Variants in ZC3H12B observed in about 807,000 individuals in gnomAD.
The protein encoded by ZC3H12B is probable ribonuclease ZC3H12B.
In ZC3H12B, 7 loss-of-function variants were observed where a neutral mutation model predicts 43.9. The ratio of observed to expected loss-of-function variants is 0.16; its 90% CI spans 0.09 to 0.30. The LOEUF is 0.30. Among genes scored for constraint, ZC3H12B ranks in the 10% least tolerant of loss-of-function variants. ZC3H12B has a pLI of 1.00. For missense variants in ZC3H12B, 475 were observed against 670.2 expected (o/e 0.71, Z 3.22); for synonymous variants, 222 against 241.7 (o/e 0.92, Z 0.76).
At chrX:65,468,650 A>ATTTTTTTTTT (rs60716703) in intron 3 of ZC3H12B, among the ~76,000 whole-genome samples, 108 of 74,768 alleles carry the variant, frequency 1.4e-3, no homozygotes, top group African/African-American at 5.4e-3. Context: ...TGCCCGGCTA[A>ATTTTTTTTTT]TTTTTTTTTT....
At chrX:65,274,934 A>G in the ZC3H12B span, among the ~76,000 whole-genome samples, 26 of 111,925 alleles carry the variant, frequency 2.3e-4, no homozygotes, top group African/African-American at 8.4e-4. Context: ...ACCTACATCC[A>G]AGACCTGAGA....
intron 2 of ZC3H12B, among the ~76,000 whole-genome samples, chrX:65,390,283 A>T (rs184436932): frequency 1.3e-3 from 150 of 111,124 alleles, no homozygotes; most frequent in Non-Finnish European, 2.5e-3. Flanking sequence ...GAGGGACAGC[A>T]TTAGGAGATA....
At chrX:65,390,407 A>T (rs184334758) in intron 2 of ZC3H12B, among the ~76,000 whole-genome samples, 167 of 106,973 alleles carry the variant, frequency 1.6e-3, no homozygotes, top group South Asian at 8.8e-3. Context: ...AGTATAATTT[A>T]AAAAAAAAGG....
chrX:65,491,449 A>G (rs972230842), intron 1 of ZC3H12B, among the ~76,000 whole-genome samples: 1 of 111,400 alleles, frequency 9.0e-6, no homozygotes, highest in Non-Finnish European at 1.9e-5. Flanking sequence ...GCTCACACCT[A>G]TAATCCCGAC....
chrX:65,506,717 T>C (rs1213551489), exon 5 of ZC3H12B: 2 of 112,117 alleles, frequency 1.8e-5, no homozygotes, highest in Non-Finnish European at 3.8e-5. Flanking sequence ...TGTGATTTTG[T>C]TGTTGTTTTC....
the ZC3H12B span, among the ~76,000 whole-genome samples, chrX:65,202,104 A>ATATGTAATATATATAATTTC: frequency 1.5e-5 from 1 of 68,693 alleles, no homozygotes; most frequent in African/African-American, 2.3e-4. Flanking sequence ...TATATATTTT[A>ATATGTAATATATATAATTTC]TATAATATAT....
intron 3 of ZC3H12B, among the ~76,000 whole-genome samples, chrX:65,467,040 G>A (rs2148187820): frequency 1.1e-5 from 1 of 94,339 alleles, no homozygotes; most frequent in East Asian, 3.5e-4. Flanking sequence ...TGAAATTTTA[G>A]TGCACCCATC....
At chrX:65,192,988 G>A in the ZC3H12B span, among the ~76,000 whole-genome samples, 1 of 110,677 alleles carries the variant, frequency 9.0e-6, no homozygotes, top group East Asian at 2.8e-4. Context: ...TGGCCAGGAT[G>A]GTGTCGAGCT....
At chrX:65,293,456 C>T in the ZC3H12B span, among the ~76,000 whole-genome samples, 1 of 110,140 alleles carries the variant, frequency 9.1e-6, no homozygotes, top group Non-Finnish European at 1.9e-5. Flanking sequence ...ATTTAACACA[C>T]CCCGAGAGAT....
chrX:65,248,911 A>G, the ZC3H12B span, among the ~76,000 whole-genome samples: 1 of 111,124 alleles, frequency 9.0e-6, no homozygotes, highest in South Asian at 3.8e-4. Context: ...TCATTAGCTG[A>G]CTTTTTGATG....
At chrX:65,323,497 T>C in the ZC3H12B span, among the ~76,000 whole-genome samples, 3 of 112,334 alleles carry the variant, frequency 2.7e-5, no homozygotes, top group African/African-American at 9.7e-5. Flanking sequence ...TCCAGCTTCA[T>C]CCATGTTCCT....
the ZC3H12B span, chrX:65,357,498 C>A: frequency 8.2e-6 from 1 of 121,852 alleles, no homozygotes; most frequent in East Asian, 2.7e-4. Context: ...ATGTTCAGGG[C>A]CACTCAGGGC....
chrX:65,205,431 A>G, the ZC3H12B span, among the ~76,000 whole-genome samples: 1 of 111,963 alleles, frequency 8.9e-6, no homozygotes, highest in Non-Finnish European at 1.9e-5. Context: ...CAAAAATCTC[A>G]TGATCATCTC....
intron 3 of ZC3H12B, among the ~76,000 whole-genome samples, chrX:65,419,306 T>A (rs745424358): frequency 3.6e-5 from 4 of 111,909 alleles, no homozygotes; most frequent in Admixed American, 9.4e-5. Context: ...TAGAGATTAG[T>A]GCCACCATCA....
chrX:65,406,565 A>G (rs1275699360), intron 3 of ZC3H12B, among the ~76,000 whole-genome samples: 25 of 48,615 alleles, frequency 5.1e-4, no homozygotes, highest in African/African-American at 2.3e-3. Context: ...ATCGGGGCTG[A>G]ACGGGGCTGG....
chrX:65,305,025 G>C, the ZC3H12B span, among the ~76,000 whole-genome samples: 1 of 111,652 alleles, frequency 9.0e-6, no homozygotes, highest in Non-Finnish European at 1.9e-5. Flanking sequence ...ATGAAGATAT[G>C]GAGATGGCAA....
In ZC3H12B at chrX:65,398,937, CT is replaced by C. The variant is rs768986951; in HGVS notation, n.407+235del. On this transcript the variant is annotated intron_variant and non_coding_transcript_variant, in intron 3 of 5. Transcript: ENST00000617377. The stretch of plus-strand genomic sequence containing the variant: ...ACACACTTTGGGGAAAGGACTGTCT[CT>C]TCAGTAAGTGGTGTTAAGAAAACCA... 2.7e-5 allele frequency among the ~76,000 whole-genome samples: 3 copies of C among 111,863 alleles called. No homozygotes were observed. In the South Asian group the frequency reaches 1.1e-3, roughly 41 times the overall value.
the ZC3H12B span, among the ~76,000 whole-genome samples, chrX:65,335,232 T>C: frequency 8.9e-6 from 1 of 111,738 alleles, no homozygotes; most frequent in African/African-American, 3.3e-5. Flanking sequence ...GAGGATTTTT[T>C]CAAAATGGGG....
chrX:65,189,130 C>A, the ZC3H12B span, among the ~76,000 whole-genome samples: 1 of 105,319 alleles, frequency 9.5e-6, no homozygotes, highest in Admixed American at 1.0e-4. Flanking sequence ...ATGAACTCAT[C>A]ATTTTTTATG....
Sources: gnomAD v4.1 joint callset for allele counts (sites outside exome capture counted in the v4.1 genomes callset) on GRCh38, gnomAD v4.1.1 for gene constraint, MANE v1.5 for transcripts, NCBI Gene and HGNC (gene_info 2026-07-23, HGNC 2026-07-21) for gene names.